SPATA22: variants seen among roughly 807,000 people sequenced by gnomAD.
SPATA22 encodes spermatogenesis-associated protein 22.
A neutral mutation model predicts 47.8 loss-of-function variants in SPATA22; 29 were observed. The observed-to-expected ratio is 0.61, with a 90% CI of 0.45 to 0.83. The LOEUF (loss-of-function observed/expected upper bound fraction) is 0.83, where lower values mean the gene tolerates loss of function less well. SPATA22 is among the 40% of genes least tolerant of loss of function. The pLI is 0.00. For synonymous variants in SPATA22, 133 were observed against 140.9 expected (o/e 0.94, Z 0.40); for missense variants, 410 against 421.7 (o/e 0.97, Z 0.24).
rs2073708953 is a variant in SPATA22, at chr17:3,485,859, C to T, written c.-73-16461G>A. 6.6e-6 allele frequency among the ~76,000 whole-genome samples: 1 copy of T among 152,018 alleles called. No individual in the cohort carries two copies. Among genetic ancestry groups the T allele is most frequent in the African/African-American group, 2.4e-5 (1 of 41,372 alleles). On this transcript the variant is annotated intron_variant, in intron 1 of 8. Coordinates refer to the SPATA22 transcript ENST00000541913. The surrounding 1 kb of genome is among the most constrained non-coding windows in gnomAD (Gnocchi z 4.4). ...GCATTTCTGCACCATTACCCAAGCT[C>T]CAGTTCCCACAGGGTGACATAGAGA...
intron 1 of SPATA22, among the ~76,000 whole-genome samples, chr17:3,482,623 G>A (rs2073650032): frequency 6.6e-6 from 1 of 151,924 alleles, no homozygotes; most frequent in Non-Finnish European, 1.5e-5. Context: ...TACCCATAAG[G>A]GTACTCAAAG....
At position 3,462,511 on chromosome 17, in the gene SPATA22, T is replaced by C; in HGVS notation, c.301A>G (p.Asn101Asp). ...QDSVFNSIQS[N>D]TGRSQGGWSY... ...CAACCACCCTGGCTTCTTCCAGTAT[T>C]TGATTGAATAGAGTTAAAGACAGAA... Residue 101 changes from asparagine (N) to aspartate (D), a missense_variant, in exon 5 of 9, where the codon AAT becomes GAT. Transcript: ENST00000572969. The C allele has an allele frequency of 6.2e-7, 1 of 1,609,880 alleles. No individual in the cohort carries two copies.
chr17:3,487,182 A>C (rs1337204870), intron 1 of SPATA22, among the ~76,000 whole-genome samples: 1 of 152,126 alleles, frequency 6.6e-6, no homozygotes, highest in Non-Finnish European at 1.5e-5. Flanking sequence ...ACAGAGTACA[A>C]AGGTGGTCCT....
chr17:3,503,880 T>C (rs1280427750), intron 1 of SPATA22, among the ~76,000 whole-genome samples: 2 of 152,200 alleles, frequency 1.3e-5, no homozygotes, highest in South Asian at 4.1e-4. Context: ...CTAAGACATA[T>C]AAGCACTTAG....
At chr17:3,456,779 C>T (rs1415011669) in intron 5 of SPATA22, among the ~76,000 whole-genome samples, 1 of 151,720 alleles carries the variant, frequency 6.6e-6, no homozygotes, top group Non-Finnish European at 1.5e-5. Flanking sequence ...CCTTGATGAA[C>T]ATTGATGCAA....
chr17:3,455,580 A>C (rs930717405), intron 5 of SPATA22, among the ~76,000 whole-genome samples: 2 of 140,388 alleles, frequency 1.4e-5, no homozygotes, highest in Non-Finnish European at 3.1e-5. Context: ...TGGTTTTCTC[A>C]GGTTTGTCAA....
At chr17:3,473,700 G>A (rs1375416506), upstream of SPATA22, among the ~76,000 whole-genome samples, 1 of 152,156 alleles carries the variant, frequency 6.6e-6, no homozygotes, top group Non-Finnish European at 1.5e-5. Context: ...GTTTCACCAT[G>A]TTGGCCAGGA....
intron 3 of SPATA22, among the ~76,000 whole-genome samples, chr17:3,466,290 A>G (rs2073312234): frequency 6.6e-6 from 1 of 151,816 alleles, no homozygotes. Flanking sequence ...GTATATAACC[A>G]GCATGTACCA....
At chr17:3,508,103 C>G (rs142338335) in intron 1 of SPATA22, among the ~76,000 whole-genome samples, 1 of 152,192 alleles carries the variant, frequency 6.6e-6, no homozygotes, top group South Asian at 2.1e-4. Flanking sequence ...CAGTATTTCA[C>G]TTATTAACAA....
intron 1 of SPATA22, chr17:3,511,757 A>C (rs2150774063): frequency 6.6e-6 from 1 of 152,376 alleles, no homozygotes; most frequent in Middle Eastern, 3.4e-3. Context: ...AGAAATCAAT[A>C]ATTGGCTTTA....
rs778121276 is a variant in SPATA22 at position 3,499,072 on chromosome 17, G to A, written c.-74+14340C>T. On this transcript the variant is annotated intron_variant, in intron 1 of 8. Transcript: ENST00000541913. ...CTAACGCTCAATGCAAAAAGTATTC[G>A]CTGCTGTTTACATTAGAAATCACTT... 44 of 1,613,800 alleles carry A rather than the reference G, an allele frequency of 2.7e-5. No homozygotes were observed. The highest frequency in any genetic ancestry group is 3.4e-5 in the Non-Finnish European group (40 of 1,179,940).
chr17:3,513,252 G>C (rs568407808), intron 1 of SPATA22: 1 of 152,748 alleles, frequency 6.5e-6, no homozygotes, highest in African/African-American at 2.4e-5. Context: ...TTAAAACCCT[G>C]TGTTAATTCT....
chr17:3,465,801 A>AAACAAAT (rs58479049), intron 3 of SPATA22, among the ~76,000 whole-genome samples: 34,748 of 150,662 alleles, frequency 0.23, 4,323 homozygotes, highest in East Asian at 0.42. Flanking sequence ...AAAAAACAAA[A>AAACAAAT]AAAAACAACA....
chr17:3,458,882 T>TAAAAAAAAAAAAAAAA, intron 5 of SPATA22, among the ~76,000 whole-genome samples: 1 of 66,258 alleles, frequency 1.5e-5, no homozygotes, highest in Non-Finnish European at 3.9e-5. Context: ...AAAAAAAAAT[T>TAAAAAAAAAAAAAAAA]CCAAGATACG....
At chr17:3,495,567 TG>T (rs1567618104) in intron 1 of SPATA22, among the ~76,000 whole-genome samples, 2 of 151,956 alleles carry the variant, frequency 1.3e-5, no homozygotes, top group African/African-American at 4.8e-5. Context: ...TTTTTGTTTT[TG>T]TTTTTGTTTT....
At chr17:3,440,414 T>TA in intron 8 of SPATA22, 76 bp from the exon 9 acceptor site, 1 of 1,273,664 alleles carries the variant, frequency 7.9e-7, no homozygotes, top group Non-Finnish European at 1.1e-6. Context: ...ATTTATGTGA[T>TA]CAACTAAACA....
chr17:3,445,828 C>A (rs1200688603), intron 7 of SPATA22, among the ~76,000 whole-genome samples: 1 of 151,878 alleles, frequency 6.6e-6, no homozygotes, highest in Non-Finnish European at 1.5e-5. Flanking sequence ...TATAACAGGA[C>A]AAAAGGAAAA....
chr17:3,505,504 A>G (rs1370219606), intron 1 of SPATA22, among the ~76,000 whole-genome samples: 2 of 152,168 alleles, frequency 1.3e-5, no homozygotes, highest in Non-Finnish European at 2.9e-5. Flanking sequence ...TGGAGACCAC[A>G]GAGAGTGGGA....
intron 5 of SPATA22, among the ~76,000 whole-genome samples, chr17:3,456,045 CT>C (rs1357736900): frequency 6.6e-6 from 1 of 152,106 alleles, no homozygotes; most frequent in Non-Finnish European, 1.5e-5. Context: ...GTATTTTATT[CT>C]CTTTGAAGCA....
Sources: gnomAD v4.1 joint callset for allele counts (sites outside exome capture counted in the v4.1 genomes callset) on GRCh38, gnomAD v4.1.1 for gene constraint, Gnocchi (gnomAD v3.1) non-coding constraint, MANE v1.5 for transcripts, NCBI Gene and HGNC (gene_info 2026-07-23, HGNC 2026-07-21) for gene names.